CTNNA3: variants seen among roughly 807,000 people sequenced by gnomAD.
CTNNA3 encodes catenin alpha-3.
Under a neutral mutation model 95.7 loss-of-function variants are expected in CTNNA3, and 76 were observed. The observed-to-expected ratio is 0.79, with a 90% CI of 0.66 to 0.96. The LOEUF is 0.96. CTNNA3 is among the 40% of genes least tolerant of loss of function. The pLI, the probability that CTNNA3 is intolerant of heterozygous loss-of-function variation, is 0.00. For missense variants in CTNNA3, 1,191 were observed against 1,089.8 expected, an observed-to-expected ratio of 1.09 and a Z score of -1.31; for synonymous variants, 431 against 374.4, an observed-to-expected ratio of 1.15 and a Z score of -1.74.
intron 1 of CTNNA3, among the ~76,000 whole-genome samples, chr10:67,743,698 G>A (rs1202453144): frequency 1.3e-5 from 2 of 151,226 alleles, no homozygotes; most frequent in Non-Finnish European, 3.0e-5. Context: ...ATTAGGAAAA[G>A]AGGAAGTTAA....
intron 13 of CTNNA3, among the ~76,000 whole-genome samples, chr10:66,197,774 A>C (rs10822748): frequency 0.65 from 98,378 of 151,338 alleles, 32,148 homozygotes; most frequent in African/African-American, 0.72. Flanking sequence ...AGTAAAGGCC[A>C]GCTGTTTTAT....
At chr10:66,222,832 C>T (rs1022907342) in intron 13 of CTNNA3, among the ~76,000 whole-genome samples, 7 of 152,012 alleles carry the variant, frequency 4.6e-5, no homozygotes, top group Non-Finnish European at 8.8e-5. Flanking sequence ...TGCAGGTATT[C>T]ATAAAGCAGC....
intron 7 of CTNNA3, among the ~76,000 whole-genome samples, chr10:66,884,618 T>A (rs1589375590): frequency 6.6e-6 from 1 of 152,020 alleles, no homozygotes; most frequent in East Asian, 1.9e-4. Context: ...GACAGCAACT[T>A]CCTGAGAGAT....
chr10:66,831,504 G>T (rs896852380), intron 7 of CTNNA3, among the ~76,000 whole-genome samples: 1 of 152,110 alleles, frequency 6.6e-6, no homozygotes, highest in South Asian at 2.1e-4. Flanking sequence ...AATCTTTTCT[G>T]GGATGCTTTC....
In CTNNA3 at chr10:67,503,893, C is replaced by T. The variant is rs796163490; in HGVS notation, c.579+17949G>A. Among the ~76,000 whole-genome samples, 5 of 152,216 alleles carry T rather than the reference C, an allele frequency of 3.3e-5. No individual in the cohort carries two copies. In the East Asian group the frequency reaches 9.6e-4, roughly 29 times the overall value. On this transcript the variant is annotated intron_variant, in intron 5 of 17. Transcript: ENST00000433211. ...TAACATTCAGCCAGGCGCGGTGGCTCATGCCTGTAATCCCAGCACTTTGGG... is the reference window on the plus strand; with the variant it reads ...TAACATTCAGCCAGGCGCGGTGGCTTATGCCTGTAATCCCAGCACTTTGGG...
chr10:67,726,109 TTA>T (rs1385467712), intron 1 of CTNNA3, among the ~76,000 whole-genome samples: 2 of 116,780 alleles, frequency 1.7e-5, no homozygotes, highest in Admixed American at 1.1e-4. Context: ...TTATATAAGA[TTA>T]TATATTATTA....
chr10:66,879,439 T>C (rs1479377312), intron 7 of CTNNA3, among the ~76,000 whole-genome samples: 1 of 152,108 alleles, frequency 6.6e-6, no homozygotes, highest in African/African-American at 2.4e-5. Flanking sequence ...CCAAAGTCTA[T>C]GGATCGTATA....
intron 12 of CTNNA3, among the ~76,000 whole-genome samples, chr10:66,333,468 G>T (rs1443703508): frequency 6.6e-6 from 1 of 151,990 alleles, no homozygotes; most frequent in East Asian, 1.9e-4. Flanking sequence ...CTTTATTTCT[G>T]CCTTCATTTC....
At chr10:67,439,648 T>C (rs1846426362) in intron 5 of CTNNA3, among the ~76,000 whole-genome samples, 1 of 152,058 alleles carries the variant, frequency 6.6e-6, no homozygotes, top group African/African-American at 2.4e-5. Context: ...GACATTTAAA[T>C]AGGGACAGAG....
chr10:66,579,604 T>C (rs1272178605), intron 10 of CTNNA3, among the ~76,000 whole-genome samples: 2 of 151,846 alleles, frequency 1.3e-5, no homozygotes, highest in Non-Finnish European at 2.9e-5. Context: ...ACAGAGAAAA[T>C]AATACAAGTT....
chr10:66,442,006 T>A (rs148799530), intron 11 of CTNNA3, among the ~76,000 whole-genome samples: 1 of 152,212 alleles, frequency 6.6e-6, no homozygotes, highest in Non-Finnish European at 1.5e-5. Context: ...TGAAATAGTA[T>A]GTAAAATATT....
intron 11 of CTNNA3, among the ~76,000 whole-genome samples, chr10:66,504,277 C>G (rs1176419982): frequency 6.6e-6 from 1 of 152,108 alleles, no homozygotes; most frequent in Admixed American, 6.6e-5. Context: ...CTTTTTAGGA[C>G]AATGTAACTC....
intron 11 of CTNNA3, among the ~76,000 whole-genome samples, chr10:66,386,155 G>C (rs2092889201): frequency 1.3e-5 from 2 of 152,176 alleles, no homozygotes; most frequent in South Asian, 2.1e-4. Context: ...AACTCAAATT[G>C]TCTGTGTTTG....
intron 7 of CTNNA3, among the ~76,000 whole-genome samples, chr10:67,105,842 C>T (rs1258134737): frequency 6.6e-6 from 1 of 152,198 alleles, no homozygotes; most frequent in East Asian, 1.9e-4. Flanking sequence ...GGGAAAGACA[C>T]TGAACATCTC....
At chr10:66,579,028 T>C (rs1361101067) in intron 10 of CTNNA3, among the ~76,000 whole-genome samples, 2 of 151,468 alleles carry the variant, frequency 1.3e-5, no homozygotes, top group African/African-American at 4.8e-5. Flanking sequence ...AACTGATTAT[T>C]GGTCTGTTCA....
intron 3 of CTNNA3, among the ~76,000 whole-genome samples, chr10:67,563,310 G>C (rs541574461): frequency 6.6e-6 from 1 of 152,208 alleles, no homozygotes; most frequent in Non-Finnish European, 1.5e-5. Flanking sequence ...CAATGAAACA[G>C]AACAGAGCCC....
At chr10:67,646,012 T>C (rs967899995) in intron 2 of CTNNA3, among the ~76,000 whole-genome samples, 1 of 149,018 alleles carries the variant, frequency 6.7e-6, no homozygotes, top group Non-Finnish European at 1.5e-5. Context: ...TATTACAAAG[T>C]ACAAAGATGA....
upstream of CTNNA3, among the ~76,000 whole-genome samples, chr10:67,697,672 T>C (rs1250078906): frequency 1.3e-5 from 2 of 152,246 alleles, no homozygotes; most frequent in Non-Finnish European, 2.9e-5. Flanking sequence ...TAAAACCTTC[T>C]TACAGAATTT....
intron 7 of CTNNA3, among the ~76,000 whole-genome samples, chr10:66,785,107 G>A (rs1156399594): frequency 1.3e-5 from 2 of 152,132 alleles, no homozygotes; most frequent in Non-Finnish European, 2.9e-5. Context: ...TTTGTCCAAG[G>A]CTATTGCCTA....
Sources: gnomAD v4.1 joint callset for allele counts (sites outside exome capture counted in the v4.1 genomes callset) on GRCh38, gnomAD v4.1.1 for gene constraint, MANE v1.5 for transcripts, NCBI Gene and HGNC (gene_info 2026-07-23, HGNC 2026-07-21) for gene names.